CFAP44: variants seen among roughly 807,000 people sequenced by gnomAD.
CFAP44 encodes the protein cilia- and flagella-associated protein 44.
CFAP44 carries 134 observed loss-of-function variants against 216.2 expected under a neutral mutation model. That is an observed-to-expected ratio of 0.62 (90% CI 0.54 to 0.72). The LOEUF (loss-of-function observed/expected upper bound fraction) is 0.72. Ranked by LOEUF, CFAP44 falls within the 30% of genes least tolerant of loss-of-function variation. The probability of loss-of-function intolerance (pLI) is 0.00; values close to 1 mark genes in which losing one functional copy is unlikely to be tolerated. For missense variants in CFAP44, 2,035 were observed against 2,182.1 expected, an observed-to-expected ratio of 0.93 and a Z score of 1.34; for synonymous variants, 700 against 727.6, an observed-to-expected ratio of 0.96 and a Z score of 0.61.
rs767639004 is a variant in CFAP44, at chr3:113,289,504, C to T, written c.*2053G>A. ...AATAAAATGAGGCCCAGGAAGATAA[C>T]GTAACTTCTCCTGATTCTCTACAAT... On this transcript the variant is annotated 3_prime_UTR_variant, in exon 35 of 35. Coordinates refer to ENST00000393845, the MANE Select transcript of CFAP44 (RefSeq NM_001164496.2). The T allele has an allele frequency of 3.3e-5, 5 of 152,258 alleles. No individual in the cohort carries two copies. Among genetic ancestry groups the T allele is most frequent in the South Asian group, 4.1e-4 (2 of 4,826 alleles). 9.4% of individuals were successfully genotyped at this position (152,258 alleles called of 1,614,324 possible). A position where few individuals can be genotyped will look rare whatever the true frequency, so the allele number is the denominator to read the frequency against.
intron 28 of CFAP44, among the ~76,000 whole-genome samples, chr3:113,320,792 T>C (rs943713085): frequency 2.0e-5 from 3 of 151,926 alleles, no homozygotes; most frequent in African/African-American, 7.3e-5. Flanking sequence ...GCCAGTCTAG[T>C]TTTTTCACAT....
intron 6 of CFAP44, among the ~76,000 whole-genome samples, chr3:113,416,244 C>T (rs1241310874): frequency 5.3e-5 from 8 of 151,820 alleles, no homozygotes; most frequent in Admixed American, 6.6e-5. Flanking sequence ...TTGTTTTGAG[C>T]CTGTGTGTGT....
intron 1 of CFAP44, among the ~76,000 whole-genome samples, chr3:113,435,228 C>T (rs1935207021): frequency 6.6e-6 from 1 of 152,010 alleles, no homozygotes; most frequent in African/African-American, 2.4e-5. Flanking sequence ...AAAGGCATAC[C>T]TGAGAATGGG....
At chr3:113,360,306 T>C (rs1950526955) in intron 21 of CFAP44, 1 of 208,922 alleles carries the variant, frequency 4.8e-6, no homozygotes, top group African/African-American at 2.3e-5. Flanking sequence ...CTTATTATTG[T>C]AGAAACATGT....
intron 32 of CFAP44, among the ~76,000 whole-genome samples, chr3:113,298,562 T>G (rs1450315847): frequency 6.6e-6 from 1 of 152,138 alleles, no homozygotes; most frequent in Non-Finnish European, 1.5e-5. Flanking sequence ...CTATTCACAA[T>G]AGCCAAAAAA....
chr3:113,304,092 A>G lies in CFAP44; in HGVS notation c.4901T>C (p.Ile1634Thr). 6.5e-7 allele frequency: 1 copy of G among 1,537,236 alleles called. No homozygotes were observed. The highest frequency in any genetic ancestry group is 8.7e-7 in the Non-Finnish European group (1 of 1,146,886). ...CAAAGTACCAGAAAGATCGCTAGGT[A>G]TTTCTCCAAATACCACATACTCTAT... Reference protein sequence around the residue: ...HQIEYVVFGEIPSDLSGTLVF... With the variant: ...HQIEYVVFGETPSDLSGTLVF... Residue 1634 changes from isoleucine (I) to threonine (T), a missense_variant, in exon 32 of 35, where the codon ATA becomes ACA. Physicochemically the swap from Ile to Thr is moderately conservative, Grantham distance 89 (BLOSUM62 -1). Around this residue, in one of 3 missense-constraint regions of CFAP44, gnomAD observed 1,883 missense variants for 2,023.7 expected, o/e 0.93. Coordinates refer to ENST00000393845, the MANE Select transcript of CFAP44 (RefSeq NM_001164496.2).
intron 28 of CFAP44, among the ~76,000 whole-genome samples, chr3:113,309,572 A>G (rs192659261): frequency 6.6e-6 from 1 of 152,278 alleles, no homozygotes; most frequent in Admixed American, 6.5e-5. Context: ...TCTGTCCCTA[A>G]GGGTTTTGGA....
rs377623503 is a variant in CFAP44 at position 113,373,450 on chromosome 3, G to T, written c.2405C>A (p.Ala802Glu). 3.7e-6 allele frequency: 6 copies of T among 1,604,542 alleles called. No homozygotes were observed. The highest frequency in any genetic ancestry group is 1.1e-5 in the South Asian group (1 of 89,398). Residue 802 changes from alanine (A) to glutamate (E), a missense_variant, in exon 18 of 35, where the codon GCG (alanine) becomes GAG (glutamate). Around this residue, in one of 3 missense-constraint regions of CFAP44, gnomAD observed 1,883 missense variants for 2,023.7 expected, o/e 0.93. Coordinates refer to ENST00000393845, the MANE Select transcript of CFAP44 (RefSeq NM_001164496.2). ...TTGGATGGGATTGTCCTCTGTATCC[G>T]CAAGATAACGGACATCAATAGGTTC... is the stretch of plus-strand genomic sequence containing the variant. ...KDEPIDVRYLADTEDNPIQTI... is the reference protein window; with the variant it reads ...KDEPIDVRYLEDTEDNPIQTI...
rs1188665283 is a variant in CFAP44, at chr3:113,290,503, C to T, written c.*1054G>A. On this transcript the variant is annotated 3_prime_UTR_variant, in exon 35 of 35. Transcript: ENST00000393845. Reference sequence around the variant, plus strand: ...CAGTGACCAGCTTATCCTGGAACAGCCTCAATGAGTAGCTCGTTAATACAG... The same window carrying T: ...CAGTGACCAGCTTATCCTGGAACAGTCTCAATGAGTAGCTCGTTAATACAG... 1.3e-5 allele frequency: 2 copies of T among 152,198 alleles called. No homozygotes were observed. Among genetic ancestry groups the T allele is most frequent in the East Asian group, 1.9e-4 (1 of 5,198 alleles). 9.4% of individuals were successfully genotyped at this position (152,198 alleles called of 1,614,324 possible).
At position 113,330,662 on chromosome 3, in the gene CFAP44, C is replaced by T. The variant is rs1192142118; in HGVS notation, c.3622G>A (p.Gly1208Arg). The change falls in exon 26 of 35, where the codon GGA (glycine) becomes AGA (arginine). Residue 1208 changes from glycine to arginine, a missense_variant. Coordinates refer to ENST00000393845, the MANE Select transcript of CFAP44 (RefSeq NM_001164496.2). ...CACTTGTTCATGTGCCTTTTATTTCCATGGACCTGAAAAAAAGAAGAGGAA... is the reference window on the plus strand; with the variant it reads ...CACTTGTTCATGTGCCTTTTATTTCTATGGACCTGAAAAAAAGAAGAGGAA... The part of the protein sequence containing the change: ...ELGHLDSLVH[G>R]NKRHMNKCIL... 6.5e-6 allele frequency: 10 copies of T among 1,527,948 alleles called. No homozygotes were observed. Among genetic ancestry groups the T allele is most frequent in the Non-Finnish European group, 8.7e-6 (10 of 1,143,714 alleles). The allele number at this position is 1,527,948 out of a possible 1,614,324, so 94.6% of individuals were successfully genotyped here. A position where few individuals can be genotyped will look rare whatever the true frequency, so the allele number is the denominator to read the frequency against.
chr3:113,303,223 C>T (rs955479337), intron 32 of CFAP44, among the ~76,000 whole-genome samples: 7 of 152,126 alleles, frequency 4.6e-5, no homozygotes, highest in African/African-American at 7.2e-5. Flanking sequence ...AACCCAGAGA[C>T]CCAGTACTAG....
chr3:113,362,848 G>T, intron 21 of CFAP44: 1 of 1,131,426 alleles, frequency 8.8e-7, no homozygotes, highest in Admixed American at 4.8e-5. Flanking sequence ...CTCTATAAAA[G>T]AAAACTTAAA....
intron 19 of CFAP44, 41 bp from the exon 20 acceptor site, chr3:113,363,573 A>C: frequency 6.6e-7 from 1 of 1,517,056 alleles, no homozygotes; most frequent in Non-Finnish European, 8.9e-7. Context: ...TTAAAATTGC[A>C]TAGCATTTTC....
chr3:113,405,822 T>C (rs147648213), intron 8 of CFAP44, among the ~76,000 whole-genome samples: 2 of 152,340 alleles, frequency 1.3e-5, no homozygotes. Flanking sequence ...AGCTTAATTC[T>C]TACAGTATTG....
In CFAP44 at chr3:113,288,223, A is replaced by G. The variant is rs924299424; in HGVS notation, c.*3334T>C. On this transcript the variant is annotated 3_prime_UTR_variant, in exon 35 of 35. Transcript: ENST00000393845. ...ATAAACAGGGTCCTAGGGAAGAGTCACTCTGACTGTTTAGGGCAAGTGCAT... is the reference window on the plus strand; with the variant it reads ...ATAAACAGGGTCCTAGGGAAGAGTCGCTCTGACTGTTTAGGGCAAGTGCAT... 2 of 152,072 alleles carry G rather than the reference A, an allele frequency of 1.3e-5. No homozygotes were observed. The highest frequency in any genetic ancestry group is 4.8e-5 in the African/African-American group (2 of 41,396). 9.4% of individuals were successfully genotyped at this position (152,072 alleles called of 1,614,324 possible). A position where few individuals can be genotyped will look rare whatever the true frequency, so the allele number is the denominator to read the frequency against.
rs545981690 is a variant in CFAP44, at chr3:113,361,328, A to G, written c.2934+1817T>C. Reference sequence around the variant, plus strand: ...CTGAGCTAGTAAGCTAGATTCACTGAGGCAAAAGTTGCGTACTATAGTATA... The same window carrying G: ...CTGAGCTAGTAAGCTAGATTCACTGGGGCAAAAGTTGCGTACTATAGTATA... On this transcript the variant is annotated intron_variant, in intron 21 of 34. Transcript: ENST00000393845. The G allele has an allele frequency of 7.3e-5, 16 of 217,896 alleles. No homozygotes were observed. The South Asian group carries it at 1.2e-3, about 16-fold the overall frequency. 13.5% of individuals were successfully genotyped at this position (217,896 alleles called of 1,614,324 possible).
At chr3:113,360,623 T>C (rs1033858672) in intron 21 of CFAP44, 2 of 156,582 alleles carry the variant, frequency 1.3e-5, no homozygotes, top group African/African-American at 4.8e-5. Flanking sequence ...TCCAAGTCTA[T>C]GGAAAGAAGA....
chr3:113,415,590 T>C (rs2107384914), intron 6 of CFAP44, among the ~76,000 whole-genome samples: 1 of 152,280 alleles, frequency 6.6e-6, no homozygotes, highest in African/African-American at 2.4e-5. Flanking sequence ...TTCAAAGAAC[T>C]TCTTGATTTC....
chr3:113,403,807 A>G (rs1461115648), intron 9 of CFAP44, 45 bp downstream of exon 9: 7 of 1,575,066 alleles, frequency 4.4e-6, no homozygotes, highest in Non-Finnish European at 6.0e-6. Flanking sequence ...GTGAGCTACA[A>G]GTCTTAAACG....
Sources: gnomAD v4.1 joint callset for allele counts (sites outside exome capture counted in the v4.1 genomes callset) on GRCh38, gnomAD v4.1.1 for gene constraint, gnomAD v4.1.1 regional missense constraint, MANE v1.5 for transcripts, NCBI Gene and HGNC (gene_info 2026-07-23, HGNC 2026-07-21) for gene names.